Variants in MALRD1 observed in about 807,000 individuals in gnomAD.
The protein encoded by MALRD1 is MAM and LDL-receptor class A domain-containing protein 1.
In MALRD1, 247 loss-of-function variants were observed where a neutral mutation model predicts 242.1. The observed-to-expected ratio is 1.02, with a 90% confidence interval of 0.92 to 1.13. The LOEUF (loss-of-function observed/expected upper bound fraction) is 1.13, where lower values mean the gene tolerates loss of function less well. Among genes scored for constraint, MALRD1 ranks in the 50% most tolerant of loss-of-function variants. The pLI, the probability that MALRD1 is intolerant of heterozygous loss-of-function variation, is 0.00. For missense variants in MALRD1, 2,989 were observed against 2,533.1 expected (o/e 1.18, Z -3.86); for synonymous variants, 995 against 866.6 (o/e 1.15, Z -2.60).
intron 38 of MALRD1, among the ~76,000 whole-genome samples, chr10:19,694,169 A>G (rs1833250413): frequency 6.6e-6 from 1 of 152,242 alleles, no homozygotes; most frequent in Non-Finnish European, 1.5e-5. Context: ...GGCATGGGCA[A>G]GGACTTCATG....
chr10:19,114,506 G>C (rs745668454), intron 5 of MALRD1, among the ~76,000 whole-genome samples: 1 of 152,054 alleles, frequency 6.6e-6, no homozygotes, highest in Admixed American at 6.6e-5. Flanking sequence ...GCATGATGGC[G>C]TGCAGCTGTA....
At chr10:19,109,804 T>G (rs563752939) in intron 5 of MALRD1, among the ~76,000 whole-genome samples, 1 of 152,310 alleles carries the variant, frequency 6.6e-6, no homozygotes, top group East Asian at 1.9e-4. Context: ...GAAGGCACAA[T>G]GTGCGCTCCT....
intron 2 of MALRD1, among the ~76,000 whole-genome samples, chr10:19,081,163 G>T (rs941645515): frequency 1.3e-5 from 2 of 152,162 alleles, no homozygotes; most frequent in Non-Finnish European, 2.9e-5. Flanking sequence ...TACATAGTGG[G>T]TGAGAATGTA....
At chr10:19,319,941 C>T (rs1463942083) in intron 21 of MALRD1, among the ~76,000 whole-genome samples, 1 of 150,368 alleles carries the variant, frequency 6.7e-6, no homozygotes, top group Non-Finnish European at 1.5e-5. Context: ...ACATTTAATG[C>T]ATTTGTAGAC....
chr10:19,696,302 C>G (rs1329451336), intron 38 of MALRD1, among the ~76,000 whole-genome samples: 1 of 152,074 alleles, frequency 6.6e-6, no homozygotes, highest in Non-Finnish European at 1.5e-5. Flanking sequence ...CTTTTATGAA[C>G]TCAGCAAGAT....
At chr10:19,635,703 A>G (rs1344553000) in intron 36 of MALRD1, among the ~76,000 whole-genome samples, 4 of 152,190 alleles carry the variant, frequency 2.6e-5, no homozygotes, top group African/African-American at 7.2e-5. Flanking sequence ...TAGTGAAAGA[A>G]TAAAATATCT....
At chr10:19,201,785 T>C (rs1836550527) in intron 14 of MALRD1, among the ~76,000 whole-genome samples, 1 of 152,212 alleles carries the variant, frequency 6.6e-6, no homozygotes, top group Non-Finnish European at 1.5e-5. Flanking sequence ...CAGTATATAA[T>C]TTTGCTTTAC....
intron 14 of MALRD1, among the ~76,000 whole-genome samples, chr10:19,189,219 C>G: frequency 6.6e-6 from 1 of 151,942 alleles, no homozygotes; most frequent in East Asian, 1.9e-4. Flanking sequence ...GTATAATAAA[C>G]AGATTCCTAG....
intron 28 of MALRD1, among the ~76,000 whole-genome samples, chr10:19,433,146 T>C (rs1295492299): frequency 6.6e-6 from 1 of 152,190 alleles, no homozygotes; most frequent in Non-Finnish European, 1.5e-5. Flanking sequence ...TTTATCAGGT[T>C]ATCATACCAG....
At chr10:19,430,016 T>C (rs1179416057) in intron 28 of MALRD1, among the ~76,000 whole-genome samples, 1 of 152,004 alleles carries the variant, frequency 6.6e-6, no homozygotes, top group Non-Finnish European at 1.5e-5. Flanking sequence ...CATCTCAGAC[T>C]ATTCGAGATT....
At chr10:19,688,265 C>G (rs1842678310) in intron 36 of MALRD1, among the ~76,000 whole-genome samples, 1 of 152,084 alleles carries the variant, frequency 6.6e-6, no homozygotes, top group African/African-American at 2.4e-5. Context: ...GCCACTGTGC[C>G]CGGCCTATTA....
intron 15 of MALRD1, 69 bp downstream of exon 15, chr10:19,203,949 A>G (rs2131614879): frequency 6.6e-7 from 1 of 1,518,654 alleles, no homozygotes; most frequent in Non-Finnish European, 8.9e-7. Flanking sequence ...AAGAGAAAGG[A>G]AAGCTAGTAC....
chr10:19,279,220 AG>A, intron 19 of MALRD1, among the ~76,000 whole-genome samples: 1 of 152,336 alleles, frequency 6.6e-6, no homozygotes, highest in Admixed American at 6.5e-5. Context: ...GAACACAAAA[AG>A]GTTGACTTGT....
intron 19 of MALRD1, among the ~76,000 whole-genome samples, chr10:19,267,594 T>C (rs1033941609): frequency 2.0e-5 from 3 of 152,142 alleles, no homozygotes; most frequent in Non-Finnish European, 2.9e-5. Flanking sequence ...AGGGGAACAG[T>C]GTCAATACTA....
chr10:19,528,948 A>G (rs975137558), intron 31 of MALRD1, among the ~76,000 whole-genome samples: 1 of 152,186 alleles, frequency 6.6e-6, no homozygotes, highest in Non-Finnish European at 1.5e-5. Context: ...AGGGACAAGT[A>G]CTGGTGTAGG....
chr10:19,569,977 A>G (rs1461634624), intron 33 of MALRD1, among the ~76,000 whole-genome samples: 1 of 151,844 alleles, frequency 6.6e-6, no homozygotes, highest in East Asian at 1.9e-4. Flanking sequence ...CTGTTTTTCA[A>G]AATAACATAC....
chr10:19,115,478 T>C (rs1836840059), intron 5 of MALRD1, among the ~76,000 whole-genome samples: 1 of 151,784 alleles, frequency 6.6e-6, no homozygotes, highest in African/African-American at 2.4e-5. Context: ...TACTGGAAAA[T>C]AGGAACTTTA....
At chr10:19,140,004 CTG>C (rs1166853508) in intron 10 of MALRD1, among the ~76,000 whole-genome samples, 1 of 152,236 alleles carries the variant, frequency 6.6e-6, no homozygotes, top group East Asian at 1.9e-4. Flanking sequence ...AGCAAAAACT[CTG>C]TTTACTTTGC....
At chr10:19,677,729 TG>T (rs1422799186) in intron 36 of MALRD1, among the ~76,000 whole-genome samples, 1 of 152,236 alleles carries the variant, frequency 6.6e-6, no homozygotes, top group African/African-American at 2.4e-5. Flanking sequence ...ATTTTCATCA[TG>T]AAATCTTTGC....
Sources: allele counts gnomAD v4.1 joint callset (sites outside exome capture counted in the v4.1 genomes callset), GRCh38; gene constraint gnomAD v4.1.1; transcripts MANE v1.5; gene names NCBI Gene and HGNC (gene_info 2026-07-23, HGNC 2026-07-21).